The following SH3RF3 variants were observed in gnomAD, a reference collection of about 807,000 sequenced individuals.
SH3RF3 encodes SH3 domain containing ring finger 3.
Under a neutral mutation model 66.3 loss-of-function variants are expected in SH3RF3, and 29 were observed. The ratio of observed to expected loss-of-function variants is 0.44; its 90% CI spans 0.33 to 0.60. SH3RF3 has a LOEUF of 0.60. Among genes scored for constraint, SH3RF3 ranks in the 20% least tolerant of loss-of-function variants. The pLI is 0.04. For synonymous variants in SH3RF3, 583 were observed against 532.0 expected, an observed-to-expected ratio of 1.10 and a Z score of -1.32; for missense variants, 1,194 against 1,190.9, an observed-to-expected ratio of 1.00 and a Z score of -0.04.
intron 1 of SH3RF3, 126 bp from the exon 2 acceptor site, chr2:109,347,548 G>A (rs1007390198): frequency 1.9e-5 from 25 of 1,290,438 alleles, no homozygotes; most frequent in Non-Finnish European, 2.6e-5. Context: ...TCCACTTGCG[G>A]GGCACTCTGT....
intron 1 of SH3RF3, among the ~76,000 whole-genome samples, chr2:109,193,467 C>A (rs1174116421): frequency 6.6e-6 from 1 of 152,232 alleles, no homozygotes; most frequent in African/African-American, 2.4e-5. Context: ...CTCTGTGGGT[C>A]TCCCTATTCT....
At chr2:109,162,492 C>T (rs1441160525) in intron 1 of SH3RF3, among the ~76,000 whole-genome samples, 1 of 152,128 alleles carries the variant, frequency 6.6e-6, no homozygotes, top group Non-Finnish European at 1.5e-5. Flanking sequence ...TATACATGTG[C>T]CATGTTGGTG....
At chr2:109,229,926 G>T (rs1361830290) in intron 1 of SH3RF3, among the ~76,000 whole-genome samples, 1 of 150,508 alleles carries the variant, frequency 6.6e-6, no homozygotes, top group Admixed American at 6.6e-5. Context: ...CTGGGTTCAC[G>T]CCATTCTCCT....
chr2:109,416,420 C>T (rs1428458121), intron 4 of SH3RF3, among the ~76,000 whole-genome samples: 3 of 151,908 alleles, frequency 2.0e-5, no homozygotes, highest in Non-Finnish European at 2.9e-5. Flanking sequence ...CATGGCGAAA[C>T]CCCCCCGTTT....
chr2:109,408,644 C>T (rs1447259021), intron 4 of SH3RF3, among the ~76,000 whole-genome samples: 1 of 152,262 alleles, frequency 6.6e-6, no homozygotes, highest in Non-Finnish European at 1.5e-5. Flanking sequence ...ATGCCCCGCA[C>T]TGGCACTCTC....
At chr2:109,482,456 C>T (rs1303860283) in intron 8 of SH3RF3, among the ~76,000 whole-genome samples, 3 of 152,192 alleles carry the variant, frequency 2.0e-5, no homozygotes, top group Non-Finnish European at 2.9e-5. Context: ...CGCAGAACAC[C>T]GTGCTGTGGC....
chr2:109,185,437 G>A (rs1038485333), intron 1 of SH3RF3, among the ~76,000 whole-genome samples: 2 of 152,210 alleles, frequency 1.3e-5, no homozygotes, highest in Admixed American at 6.5e-5. Flanking sequence ...TCCTTGATCC[G>A]AAGAGGCAAG....
At chr2:109,237,021 A>G (rs572700438) in intron 1 of SH3RF3, among the ~76,000 whole-genome samples, 4 of 152,358 alleles carry the variant, frequency 2.6e-5, no homozygotes, top group African/African-American at 9.6e-5. Context: ...CTTAGAAGGT[A>G]GAGAAGCCAA....
intron 8 of SH3RF3, among the ~76,000 whole-genome samples, chr2:109,477,815 C>T (rs1358500716): frequency 1.3e-5 from 2 of 152,164 alleles, no homozygotes; most frequent in Admixed American, 6.5e-5. Context: ...TCTCACGACC[C>T]GATCATCTCC....
intron 8 of SH3RF3, among the ~76,000 whole-genome samples, chr2:109,481,659 C>T (rs1678837447): frequency 6.6e-6 from 1 of 152,198 alleles, no homozygotes; most frequent in African/African-American, 2.4e-5. Flanking sequence ...AGGGGCTGGA[C>T]ATGTGGATGG....
intron 1 of SH3RF3, among the ~76,000 whole-genome samples, chr2:109,204,970 G>T (rs1269578501): frequency 2.0e-5 from 3 of 152,202 alleles, no homozygotes; most frequent in Non-Finnish European, 1.5e-5. Context: ...TGCTCCAGGA[G>T]GCTGAGGCAG....
intron 1 of SH3RF3, among the ~76,000 whole-genome samples, chr2:109,312,501 A>G (rs536415890): frequency 9.9e-5 from 15 of 152,168 alleles, no homozygotes; most frequent in African/African-American, 2.9e-4. Context: ...CCCCAAAAGG[A>G]AACTCTCTAC....
chr2:109,483,943 A>AC (rs1186031677), intron 8 of SH3RF3, among the ~76,000 whole-genome samples: 2 of 148,428 alleles, frequency 1.3e-5, no homozygotes, highest in African/African-American at 5.0e-5. Flanking sequence ...GCCCCCCACA[A>AC]CCCCCGCCAT....
intron 2 of SH3RF3, among the ~76,000 whole-genome samples, chr2:109,355,861 C>T (rs1279085035): frequency 6.6e-6 from 1 of 152,214 alleles, no homozygotes; most frequent in East Asian, 1.9e-4. Context: ...GCTATTTCCT[C>T]CTTCCTTGTC....
At chr2:109,315,679 G>A (rs897167547) in intron 1 of SH3RF3, among the ~76,000 whole-genome samples, 9 of 152,210 alleles carry the variant, frequency 5.9e-5, no homozygotes, top group Admixed American at 6.5e-5. Context: ...AAAGGGGCGA[G>A]CTCTGTCTCA....
At chr2:109,187,177 C>G (rs937712482) in intron 1 of SH3RF3, among the ~76,000 whole-genome samples, 2 of 152,222 alleles carry the variant, frequency 1.3e-5, no homozygotes, top group African/African-American at 4.8e-5. Flanking sequence ...GTCGTCATTA[C>G]AAGAAAGTAT....
chr2:109,248,797 GTCTC>G (rs888495504), intron 1 of SH3RF3, among the ~76,000 whole-genome samples: 4 of 142,236 alleles, frequency 2.8e-5, no homozygotes, highest in Non-Finnish European at 3.0e-5. Context: ...TTCTCTTTCT[GTCTC>G]TCTTTCTCTT....
intron 1 of SH3RF3, among the ~76,000 whole-genome samples, chr2:109,201,509 C>G (rs1374549443): frequency 1.3e-5 from 2 of 152,184 alleles, no homozygotes; most frequent in African/African-American, 4.8e-5. Context: ...CCCAGGCCAC[C>G]CTTGCTGTCT....
intron 1 of SH3RF3, among the ~76,000 whole-genome samples, chr2:109,290,131 T>C (rs769433268): frequency 1.3e-5 from 2 of 152,202 alleles, no homozygotes; most frequent in Admixed American, 6.5e-5. Context: ...ACCACAGATA[T>C]AGATGACCAA....
Sources: gnomAD v4.1 joint callset for allele counts (sites outside exome capture counted in the v4.1 genomes callset) on GRCh38, gnomAD v4.1.1 for gene constraint, MANE v1.5 for transcripts, NCBI Gene and HGNC (gene_info 2026-07-23, HGNC 2026-07-21) for gene names.